Variants in NRXN1 observed in about 807,000 individuals in gnomAD.
NRXN1 encodes neurexin 1.
NRXN1 carries 39 observed loss-of-function variants against 150.9 expected under a neutral mutation model. The ratio of observed to expected loss-of-function variants is 0.26; its 90% CI spans 0.20 to 0.34. The LOEUF (loss-of-function observed/expected upper bound fraction) is 0.34, where lower values mean the gene tolerates loss of function less well. Ranked by LOEUF, NRXN1 falls within the 10% of genes least tolerant of loss-of-function variation. The pLI is 1.00. For missense variants in NRXN1, 1,815 were observed against 1,949.9 expected, an observed-to-expected ratio of 0.93 and a Z score of 1.30; for synonymous variants, 924 against 757.0, an observed-to-expected ratio of 1.22 and a Z score of -3.62.
At chr2:50,503,109 A>G (rs2104967663) in intron 13 of NRXN1, among the ~76,000 whole-genome samples, 1 of 152,260 alleles carries the variant, frequency 6.6e-6, no homozygotes. Flanking sequence ...AGAATTCAAG[A>G]CAAGCCTGGC....
chr2:50,430,189 G>T (rs376123548), intron 17 of NRXN1, among the ~76,000 whole-genome samples: 1 of 152,082 alleles, frequency 6.6e-6, no homozygotes, highest in African/African-American at 2.4e-5. Context: ...CAGTCATGAC[G>T]GGGAGTTTAA....
chr2:50,281,240 C>T (rs1409943662), intron 17 of NRXN1, among the ~76,000 whole-genome samples: 1 of 151,766 alleles, frequency 6.6e-6, no homozygotes, highest in East Asian at 1.9e-4. Context: ...TGGCATGAAC[C>T]CGGGAGGCGG....
chr2:50,381,333 G>A (rs963777714), intron 17 of NRXN1, among the ~76,000 whole-genome samples: 1 of 152,078 alleles, frequency 6.6e-6, no homozygotes, highest in African/African-American at 2.4e-5. Context: ...ATCTTATATT[G>A]TGAACAAAGG....
intron 5 of NRXN1, among the ~76,000 whole-genome samples, chr2:50,884,937 C>T (rs1046833175): frequency 7.3e-5 from 11 of 151,362 alleles, no homozygotes; most frequent in African/African-American, 2.7e-4. Context: ...AACATATGCT[C>T]AAATTTTTGT....
At chr2:50,599,849 G>T (rs919267478) in intron 8 of NRXN1, among the ~76,000 whole-genome samples, 5 of 151,996 alleles carry the variant, frequency 3.3e-5, no homozygotes, top group Admixed American at 6.6e-5. Flanking sequence ...AGGTACAAAG[G>T]GTGAATAATT....
chr2:50,513,507 G>A (rs1199078224), intron 12 of NRXN1, among the ~76,000 whole-genome samples: 1 of 152,070 alleles, frequency 6.6e-6, no homozygotes, highest in Admixed American at 6.6e-5. Flanking sequence ...AAAAATAAAT[G>A]TAAAATACAC....
intron 17 of NRXN1, among the ~76,000 whole-genome samples, chr2:50,297,750 C>G (rs1037851053): frequency 3.3e-5 from 5 of 152,058 alleles, no homozygotes; most frequent in Non-Finnish European, 7.4e-5. Flanking sequence ...AATGACCATA[C>G]AGGTGATATA....
intron 17 of NRXN1, among the ~76,000 whole-genome samples, chr2:50,448,983 A>T (rs892681882): frequency 6.6e-6 from 1 of 152,114 alleles, no homozygotes; most frequent in Non-Finnish European, 1.5e-5. Context: ...CAAATGACTG[A>T]CTCTCACATT....
chr2:50,098,000 A>T (rs1361033303), intron 18 of NRXN1, among the ~76,000 whole-genome samples: 1 of 152,044 alleles, frequency 6.6e-6, no homozygotes, highest in African/African-American at 2.4e-5. Context: ...GACTCTGTTT[A>T]CCAATTTAGA....
intron 17 of NRXN1, among the ~76,000 whole-genome samples, chr2:50,447,737 T>TTTTTTATATATATATATA (rs1208594855): frequency 7.9e-5 from 3 of 37,932 alleles, no homozygotes; most frequent in African/African-American, 4.9e-4. Flanking sequence ...CAGGGGAACG[T>TTTTTTATATATATATATA]TATATATATA....
intron 8 of NRXN1, among the ~76,000 whole-genome samples, chr2:50,563,648 A>C (rs565570146): frequency 6.6e-6 from 1 of 152,336 alleles, no homozygotes; most frequent in East Asian, 1.9e-4. Context: ...AGAGGGAGTC[A>C]ACAGTGGACA....
chr2:50,911,680 T>C lies in NRXN1; in HGVS notation c.832+10189A>G, dbSNP rs532812665. Among the ~76,000 whole-genome samples the C allele has an allele frequency of 3.9e-5, 6 of 152,074 alleles. No homozygotes were observed. The East Asian group carries it at 7.8e-4, about 20-fold the overall frequency. ...GTATTTGCTGTTTAGCTTTTCCTTG[T>C]CTGGATCCTTTTTCCATTGTACATT... On this transcript the variant is annotated intron_variant, in intron 5 of 22. Transcript: ENST00000401669.
rs2078047517 is a variant in NRXN1, at chr2:50,347,004, G to T, written c.3365-110034C>A. The T allele has an allele frequency of 7.3e-7, 1 of 1,370,492 alleles. No homozygotes were observed. Among genetic ancestry groups the T allele is most frequent in the Non-Finnish European group, 9.4e-7 (1 of 1,062,046 alleles). The allele number at this position is 1,370,492 out of a possible 1,614,324, so 84.9% of individuals were successfully genotyped here. ...GCGGGAGGCAAAGTTTGGGGCGCGG[G>T]GAGAGGAGAGGGCGCAGGGGAGCGG... On this transcript the variant is annotated intron_variant, in intron 17 of 22. Transcript: ENST00000401669. The surrounding 1 kb of genome is among the most constrained non-coding windows in gnomAD (Gnocchi z 4.9).
chr2:50,583,404 A>C (rs1672598114), intron 8 of NRXN1, among the ~76,000 whole-genome samples: 3 of 152,226 alleles, frequency 2.0e-5, no homozygotes, highest in South Asian at 4.1e-4. Flanking sequence ...CAAAGCTAAA[A>C]ACCGTTCCCT....
At chr2:50,739,753 G>A (rs879328803) in intron 5 of NRXN1, among the ~76,000 whole-genome samples, 21 of 152,148 alleles carry the variant, frequency 1.4e-4, no homozygotes, top group Non-Finnish European at 1.5e-4. Context: ...CACAGATTAT[G>A]TAAGTATCTT....
chr2:51,023,364 T>A (rs1351041062), intron 2 of NRXN1, among the ~76,000 whole-genome samples: 4 of 152,176 alleles, frequency 2.6e-5, no homozygotes, highest in African/African-American at 9.7e-5. Context: ...CTGACCCCAC[T>A]CCTCTCAAGT....
chr2:49,951,777 T>TCTA (rs985823166), intron 21 of NRXN1, among the ~76,000 whole-genome samples: 30 of 152,140 alleles, frequency 2.0e-4, no homozygotes, highest in African/African-American at 7.2e-4. Flanking sequence ...AACATGAGTA[T>TCTA]CTAGTCCTAT....
chr2:50,587,359 C>A (rs1381051662), intron 8 of NRXN1, among the ~76,000 whole-genome samples: 1 of 152,300 alleles, frequency 6.6e-6, no homozygotes, highest in African/African-American at 2.4e-5. Flanking sequence ...GTGGTGTACA[C>A]CTGTGGTCCT....
intron 8 of NRXN1, among the ~76,000 whole-genome samples, chr2:50,591,400 ATAGATAG>A (rs1558985032): frequency 2.6e-4 from 39 of 151,538 alleles, no homozygotes; most frequent in Non-Finnish European, 4.0e-4. Context: ...AGATAGATAG[ATAGATAG>A]ATAGATAGAT....
Sources: gnomAD v4.1 joint callset for allele counts (sites outside exome capture counted in the v4.1 genomes callset) on GRCh38, gnomAD v4.1.1 for gene constraint, Gnocchi (gnomAD v3.1) non-coding constraint, MANE v1.5 for transcripts, NCBI Gene and HGNC (gene_info 2026-07-23, HGNC 2026-07-21) for gene names.